Variants in ALDH1A2 observed in about 807,000 individuals in gnomAD.
The protein encoded by ALDH1A2 is aldehyde dehydrogenase 1 family member A2, also known as retinal dehydrogenase 2.
A neutral mutation model predicts 60.3 loss-of-function variants in ALDH1A2; 27 were observed. That is an observed-to-expected ratio of 0.45 (90% CI 0.33 to 0.62). The LOEUF (loss-of-function observed/expected upper bound fraction) is 0.62, where lower values mean the gene tolerates loss of function less well. Ranked by LOEUF, ALDH1A2 falls within the 20% of genes least tolerant of loss-of-function variation. The probability of loss-of-function intolerance (pLI) is 0.02; values close to 1 mark genes in which losing one functional copy is unlikely to be tolerated. For synonymous variants in ALDH1A2, 289 were observed against 232.4 expected (o/e 1.24, Z -2.21); for missense variants, 581 against 643.8 (o/e 0.90, Z 1.06).
At chr15:57,965,085 C>T (rs1194007892) in intron 8 of ALDH1A2, among the ~76,000 whole-genome samples, 1 of 151,996 alleles carries the variant, frequency 6.6e-6, no homozygotes, top group Non-Finnish European at 1.5e-5. Context: ...ACAGAAACGT[C>T]ACACCTGTGC....
At chr15:58,023,658 G>GAAGAAAAAAA (rs1895994477) in intron 1 of ALDH1A2, among the ~76,000 whole-genome samples, 1 of 129,426 alleles carries the variant, frequency 7.7e-6, no homozygotes, top group Non-Finnish European at 1.6e-5. Context: ...AAAGTGCTGG[G>GAAGAAAAAAA]AAAAAAAAAA....
chr15:57,987,765 G>C (rs988889179), intron 7 of ALDH1A2, among the ~76,000 whole-genome samples: 1 of 151,590 alleles, frequency 6.6e-6, no homozygotes, highest in Non-Finnish European at 1.5e-5. Context: ...GGTGCCTGTA[G>C]TCCCAGCTAC....
At chr15:57,974,313 G>T (rs919610073) in intron 7 of ALDH1A2, among the ~76,000 whole-genome samples, 2 of 151,420 alleles carry the variant, frequency 1.3e-5, no homozygotes, top group Non-Finnish European at 2.9e-5. Flanking sequence ...GGCGCCTGTA[G>T]TTCCAGCTAC....
chr15:57,958,192 G>T (rs1893597858), intron 12 of ALDH1A2, among the ~76,000 whole-genome samples: 1 of 128,534 alleles, frequency 7.8e-6, no homozygotes, highest in East Asian at 2.2e-4. Flanking sequence ...TGACTTCTCT[G>T]TATGCATGCG....
chr15:57,968,245 G>T (rs1349648070), intron 7 of ALDH1A2, among the ~76,000 whole-genome samples: 2 of 152,168 alleles, frequency 1.3e-5, no homozygotes, highest in East Asian at 3.9e-4. Context: ...AGTATTTATT[G>T]AGTAGTCTAT....
intron 4 of ALDH1A2, among the ~76,000 whole-genome samples, chr15:58,001,995 T>A (rs1027070367): frequency 6.6e-6 from 1 of 151,972 alleles, no homozygotes; most frequent in Non-Finnish European, 1.5e-5. Flanking sequence ...TTGATCTCTG[T>A]CTCTTTTCCC....
At chr15:57,991,393 A>G (rs1395356106) in intron 7 of ALDH1A2, 2 of 152,236 alleles carry the variant, frequency 1.3e-5, no homozygotes, top group African/African-American at 4.8e-5. Flanking sequence ...TAACTCGACA[A>G]ACACAAAACT....
intron 11 of ALDH1A2, 134 bp from the exon 12 acceptor site, chr15:57,960,978 A>G (rs1472687649): frequency 3.0e-6 from 4 of 1,332,674 alleles, no homozygotes; most frequent in African/African-American, 3.0e-5. Flanking sequence ...TTTAAAATCT[A>G]CTTTGATTTC....
chr15:58,057,673 T>C (rs940594602), intron 1 of ALDH1A2, among the ~76,000 whole-genome samples: 1 of 152,180 alleles, frequency 6.6e-6, no homozygotes, highest in Non-Finnish European at 1.5e-5. Context: ...CTCATTCATC[T>C]CAAACATTTA....
At position 58,013,991 on chromosome 15, in the gene ALDH1A2, A is replaced by G. The variant is rs1895715120; in HGVS notation, c.230T>C (p.Ile77Thr). ...CEVQEADKAD[I>T]DKAVQAARLA... ...GCGGGCTGCCTGCACTGCTTTGTCT[A>G]TATCTGCCTGTTAGAGAGGAAGAGG... is the stretch of plus-strand genomic sequence containing the variant. The change falls in exon 3 of 13, where the codon ATA becomes ACA. Residue 77 changes from isoleucine (I) to threonine (T), a missense_variant. Coordinates refer to ENST00000249750, the MANE Select transcript of ALDH1A2 (RefSeq NM_003888.4). The G allele has an allele frequency of 5.0e-6, 8 of 1,614,136 alleles. No homozygotes were observed. Among genetic ancestry groups the G allele is most frequent in the African/African-American group, 1.3e-5 (1 of 75,048 alleles).
Position 58,049,291 on chromosome 15 carries a change from G to A in ALDH1A2, c.117+16243C>T, listed in dbSNP as rs779418312. On this transcript the variant is annotated intron_variant, in intron 1 of 12. Transcript: ENST00000249750. ...ATTTCTTTATGGGTCATATTCCTAC[G>A]TGTACAAAGATTGCTAGATGGTGTG... is the stretch of plus-strand genomic sequence containing the variant. Among the ~76,000 whole-genome samples, 6 of 151,982 alleles carry A rather than the reference G, an allele frequency of 3.9e-5. No individual in the cohort carries two copies. In the East Asian group the frequency reaches 7.7e-4, roughly 20 times the overall value.
intron 1 of ALDH1A2, among the ~76,000 whole-genome samples, chr15:58,031,117 C>T (rs1896229282): frequency 6.6e-6 from 1 of 152,120 alleles, no homozygotes. Flanking sequence ...TGCTACCTGA[C>T]TTCAAGGCTA....
At chr15:58,000,514 TAGAA>T (rs1470437651) in intron 4 of ALDH1A2, among the ~76,000 whole-genome samples, 1 of 152,028 alleles carries the variant, frequency 6.6e-6, no homozygotes, top group African/African-American at 2.4e-5. Flanking sequence ...ACTCACCTGT[TAGAA>T]ATATGTAAAT....
intron 7 of ALDH1A2, chr15:57,980,051 G>C (rs1894434028): frequency 3.2e-6 from 1 of 317,242 alleles, no homozygotes; most frequent in South Asian, 3.5e-5. Flanking sequence ...TCCATGGGGG[G>C]GCAGGATGTG....
At chr15:57,980,350 G>C in intron 7 of ALDH1A2, 1 of 406,754 alleles carries the variant, frequency 2.5e-6, no homozygotes, top group Non-Finnish European at 5.0e-6. Context: ...TGGGGTTCAT[G>C]TCATAGCTGA....
Position 58,054,262 on chromosome 15 carries a change from A to G in ALDH1A2, c.117+11272T>C, listed in dbSNP as rs529865573. Among the ~76,000 whole-genome samples the G allele has an allele frequency of 1.4e-4, 21 of 152,328 alleles. No homozygotes were observed. In the South Asian group the frequency reaches 2.9e-3, roughly 21 times the overall value. On this transcript the variant is annotated intron_variant, in intron 1 of 12. Coordinates refer to ENST00000249750, the MANE Select transcript of ALDH1A2 (RefSeq NM_003888.4). ...AGGAATAAAAAAGGAAAGAAAAGGCATAAGTTTGGTAAGTAAAAAAGATCT... is the reference window on the plus strand; with the variant it reads ...AGGAATAAAAAAGGAAAGAAAAGGCGTAAGTTTGGTAAGTAAAAAAGATCT...
At chr15:57,956,249 A>T (rs907568499) in intron 12 of ALDH1A2, among the ~76,000 whole-genome samples, 1 of 152,240 alleles carries the variant, frequency 6.6e-6, no homozygotes, top group African/African-American at 2.4e-5. Flanking sequence ...CGAGCTTCCT[A>T]TTCCCTCTTC....
At chr15:57,959,968 G>A (rs1207790160) in intron 12 of ALDH1A2, among the ~76,000 whole-genome samples, 3 of 152,002 alleles carry the variant, frequency 2.0e-5, no homozygotes, top group Non-Finnish European at 2.9e-5. Context: ...TGTTTTGCCC[G>A]ACAAACTTGA....
chr15:57,956,309 C>G (rs1893525215), intron 12 of ALDH1A2, among the ~76,000 whole-genome samples: 1 of 152,160 alleles, frequency 6.6e-6, no homozygotes, highest in African/African-American at 2.4e-5. Context: ...AAAATAAAAA[C>G]AATTAGGAGA....
Sources: gnomAD v4.1 joint callset for allele counts (sites outside exome capture counted in the v4.1 genomes callset) on GRCh38, gnomAD v4.1.1 for gene constraint, MANE v1.5 for transcripts, NCBI Gene and HGNC (gene_info 2026-07-23, HGNC 2026-07-21) for gene names.